Variants in SYNPO2 observed in about 807,000 individuals in gnomAD.
SYNPO2 encodes synaptopodin 2, also known as synaptopodin-2.
Under a neutral mutation model 85.0 loss-of-function variants are expected in SYNPO2, and 56 were observed. The ratio of observed to expected loss-of-function variants is 0.66; its 90% confidence interval spans 0.53 to 0.82. The LOEUF (loss-of-function observed/expected upper bound fraction) is 0.82, where lower values mean the gene tolerates loss of function less well. Ranked by LOEUF, SYNPO2 falls within the 40% of genes least tolerant of loss-of-function variation. The pLI is 0.00. For missense variants in SYNPO2, 1,575 were observed against 1,534.2 expected, an observed-to-expected ratio of 1.03 and a Z score of -0.44; for synonymous variants, 602 against 591.1, an observed-to-expected ratio of 1.02 and a Z score of -0.27.
chr4:118,858,071 C>T (rs1411721839), intron 1 of SYNPO2, among the ~76,000 whole-genome samples: 1 of 152,138 alleles, frequency 6.6e-6, no homozygotes, highest in African/African-American at 2.4e-5. Context: ...ATATTCCTTT[C>T]TTCCCTGCTG....
At chr4:118,869,528 A>G (rs1731763826) in intron 1 of SYNPO2, among the ~76,000 whole-genome samples, 2 of 152,174 alleles carry the variant, frequency 1.3e-5, no homozygotes, top group Non-Finnish European at 2.9e-5. Flanking sequence ...CATTTCATGC[A>G]TATTCACTGA....
At chr4:119,034,592 G>C (rs1399632835) in intron 4 of SYNPO2, 80 of 985,438 alleles carry the variant, frequency 8.1e-5, no homozygotes, top group Non-Finnish European at 9.4e-5. Context: ...TGGCAGCATA[G>C]GTCTCATCTT....
At position 119,030,660 on chromosome 4, in the gene SYNPO2, C is replaced by G; in HGVS notation, c.1885C>G (p.Pro629Ala). Residue 629 changes from proline to alanine, a missense_variant, in exon 4 of 5, where the codon CCT becomes GCT. Pro to Ala is a conservative substitution (Grantham distance 27). This residue lies in a region of SYNPO2 where 1,508 missense variants were observed against 1,446.8 expected (regional missense o/e 1.04). Transcript: ENST00000307142. ...PPPYSAVTPPPDAFSRGVSSP... is the reference protein window; with the variant it reads ...PPPYSAVTPPADAFSRGVSSP... Reference sequence around the variant, plus strand: ...ACCTTACTCTGCAGTCACTCCTCCCCCTGACGCCTTCTCCAGAGGGGTTTC... The same window carrying G: ...ACCTTACTCTGCAGTCACTCCTCCCGCTGACGCCTTCTCCAGAGGGGTTTC... 6.2e-7 allele frequency: 1 copy of G among 1,614,186 alleles called. No individual in the cohort carries two copies. The highest frequency in any genetic ancestry group is 8.5e-7 in the Non-Finnish European group (1 of 1,180,030).
chr4:118,938,958 G>A (rs991683994), intron 1 of SYNPO2, among the ~76,000 whole-genome samples: 2 of 152,076 alleles, frequency 1.3e-5, no homozygotes, highest in African/African-American at 4.8e-5. Context: ...TCTTCTTAAT[G>A]GTATTTCCAT....
At chr4:118,894,030 T>C (rs905534636) in intron 1 of SYNPO2, among the ~76,000 whole-genome samples, 1 of 150,308 alleles carries the variant, frequency 6.7e-6, no homozygotes, top group Non-Finnish European at 1.5e-5. Flanking sequence ...AAAGAAGATA[T>C]ATATATATAT....
rs181323247 is a variant in SYNPO2 at position 118,991,171 on chromosome 4, G to A, written c.106-32259G>A. ...TTTATTTTTTATTATTTTTTGAGAC[G>A]GAGTCTTGCTCTGTCACCCAGGCTG... On this transcript the variant is annotated intron_variant, in intron 1 of 4. Coordinates refer to ENST00000307142, the MANE Select transcript of SYNPO2 (RefSeq NM_133477.3). Among the ~76,000 whole-genome samples the A allele has an allele frequency of 1.3e-4, 20 of 151,802 alleles. No homozygotes were observed. In the East Asian group the frequency reaches 2.5e-3, roughly 19 times the overall value.
intron 1 of SYNPO2, among the ~76,000 whole-genome samples, chr4:118,965,729 A>G (rs1578592498): frequency 6.6e-6 from 1 of 152,130 alleles, no homozygotes; most frequent in African/African-American, 2.4e-5. Flanking sequence ...CGTGTACAAG[A>G]TGGCACAGGT....
chr4:118,924,538 G>T (rs2149129945), intron 1 of SYNPO2, among the ~76,000 whole-genome samples: 1 of 152,276 alleles, frequency 6.6e-6, no homozygotes, highest in Non-Finnish European at 1.5e-5. Context: ...CAGTGTGGCT[G>T]GATGGTCATG....
At position 119,038,609 on chromosome 4, in the gene SYNPO2, T is replaced by A. The variant is rs9997194; in HGVS notation, c.3252+6582T>A. 1,270 of 958,136 alleles carry A rather than the reference T, an allele frequency of 1.3e-3. 7 individuals carry two copies. The African/African-American group carries it at 0.018, about 14-fold the overall frequency. 59.4% of individuals were successfully genotyped at this position (958,136 alleles called of 1,614,324 possible). On this transcript the variant is annotated intron_variant, in intron 4 of 4. Transcript: ENST00000307142. ...GTAGTGAATCAGCACCTAGCATGGCTTGCTACTAAACCAATAATAACTTAA... is the reference window on the plus strand; with the variant it reads ...GTAGTGAATCAGCACCTAGCATGGCATGCTACTAAACCAATAATAACTTAA...
At chr4:118,949,300 C>T (rs1578577345) in intron 1 of SYNPO2, among the ~76,000 whole-genome samples, 1 of 151,956 alleles carries the variant, frequency 6.6e-6, no homozygotes, top group Non-Finnish European at 1.5e-5. Context: ...AAAAAGACTC[C>T]CTAGGAAGTA....
intron 1 of SYNPO2, among the ~76,000 whole-genome samples, chr4:119,022,662 ATTTAT>A (rs920557140): frequency 1.9e-5 from 2 of 106,246 alleles, no homozygotes; most frequent in African/African-American, 3.1e-5. Flanking sequence ...GGCCTGAATT[ATTTAT>A]TTTATTTTAT....
chr4:118,895,270 G>A (rs935897537), intron 1 of SYNPO2, among the ~76,000 whole-genome samples: 2 of 152,144 alleles, frequency 1.3e-5, no homozygotes, highest in African/African-American at 4.8e-5. Context: ...GGTGTGGCAT[G>A]GAAAGGAGGG....
intron 1 of SYNPO2, among the ~76,000 whole-genome samples, chr4:118,946,539 T>C (rs181157760): frequency 1.4e-3 from 205 of 150,846 alleles, no homozygotes; most frequent in African/African-American, 4.6e-3. Flanking sequence ...GATCAGACCA[T>C]GGTCAGCCTC....
Position 118,882,774 on chromosome 4 carries a change from G to GTT in SYNPO2, c.12+31846_12+31847dup, listed in dbSNP as rs112261966. Reference sequence around the variant, plus strand: ...AGCTAATGCTGTAAGATGCCTGCTAGTTTTTTTTTTTTTGAGACGGAGTCT... The same window carrying GTT: ...AGCTAATGCTGTAAGATGCCTGCTAGTTTTTTTTTTTTTTTGAGACGGAGTCT... On this transcript the variant is annotated intron_variant, in intron 1 of 4. Transcript: ENST00000610556. Among the ~76,000 whole-genome samples, 212 of 147,806 alleles carry GTT rather than the reference G, an allele frequency of 1.4e-3. 1 individual carries two copies. The highest frequency in any genetic ancestry group is 7.1e-3 in the Middle Eastern group (2 of 282).
At chr4:118,854,266 A>G (rs1286073985) in intron 1 of SYNPO2, among the ~76,000 whole-genome samples, 1 of 152,242 alleles carries the variant, frequency 6.6e-6, no homozygotes, top group Non-Finnish European at 1.5e-5. Context: ...AAGTGTATTT[A>G]CATGTCACTC....
At chr4:118,875,770 T>C (rs1427252293) in intron 1 of SYNPO2, among the ~76,000 whole-genome samples, 2 of 152,246 alleles carry the variant, frequency 1.3e-5, no homozygotes, top group African/African-American at 4.8e-5. Context: ...GTCTGCATCT[T>C]ACAATGTGTT....
intron 1 of SYNPO2, among the ~76,000 whole-genome samples, chr4:118,997,737 T>A (rs1203668400): frequency 6.6e-6 from 1 of 152,240 alleles, no homozygotes; most frequent in Admixed American, 6.5e-5. Context: ...AGTACTTTTA[T>A]GGGCACTGTT....
chr4:119,058,351 A>G lies in SYNPO2; in HGVS notation c.*417A>G, dbSNP rs1739284981. ...ATTAATGGAATATGGTGTGCTAATT[A>G]TCACTACCTATAACATGAGGAATAT... On this transcript the variant is annotated 3_prime_UTR_variant, in exon 5 of 5. Transcript: ENST00000307142. The G allele has an allele frequency of 6.4e-6, 1 of 156,968 alleles. No individual in the cohort carries two copies. Among genetic ancestry groups the G allele is most frequent in the Non-Finnish European group, 1.4e-5 (1 of 71,350 alleles). The allele number at this position is 156,968 out of a possible 1,614,324, so 9.7% of individuals were successfully genotyped here.
At chr4:118,990,292 A>G (rs1321423953) in intron 1 of SYNPO2, among the ~76,000 whole-genome samples, 58 of 152,346 alleles carry the variant, frequency 3.8e-4, no homozygotes, top group Non-Finnish European at 7.3e-5. Context: ...TCACAAAGAA[A>G]CGTGCAGTGC....
Sources: gnomAD v4.1 joint callset for allele counts (sites outside exome capture counted in the v4.1 genomes callset) on GRCh38, gnomAD v4.1.1 for gene constraint, gnomAD v4.1.1 regional missense constraint, MANE v1.5 for transcripts, NCBI Gene and HGNC (gene_info 2026-07-23, HGNC 2026-07-21) for gene names.